Variants in KIRREL3 observed in about 807,000 individuals in gnomAD.
KIRREL3 encodes the protein kirre like nephrin family adhesion molecule 3.
A neutral mutation model predicts 89.7 loss-of-function variants in KIRREL3; 36 were observed. The ratio of observed to expected loss-of-function variants is 0.40; its 90% CI spans 0.31 to 0.53. The LOEUF is 0.53. KIRREL3 is among the 20% of genes least tolerant of loss of function. KIRREL3 has a pLI of 0.49. For missense variants in KIRREL3, 864 were observed against 1,056.6 expected (o/e 0.82, Z 2.53); for synonymous variants, 445 against 441.4 (o/e 1.01, Z -0.10).
chr11:126,982,206 A>C (rs1949741119), intron 1 of KIRREL3, among the ~76,000 whole-genome samples: 1 of 152,194 alleles, frequency 6.6e-6, no homozygotes, highest in Non-Finnish European at 1.5e-5. Flanking sequence ...TATTATCAAC[A>C]AAGATGTTAT....
At chr11:126,678,120 C>T (rs1014931228) in intron 1 of KIRREL3, among the ~76,000 whole-genome samples, 3 of 152,170 alleles carry the variant, frequency 2.0e-5, no homozygotes, top group African/African-American at 7.2e-5. Context: ...AGATAGATGG[C>T]AGCTTTCACT....
intron 10 of KIRREL3, chr11:126,440,795 G>T: frequency 1.7e-6 from 1 of 575,176 alleles, no homozygotes; most frequent in Non-Finnish European, 3.1e-6. Context: ...ACAAATAACT[G>T]TAATAAAAGG....
intron 8 of KIRREL3, among the ~76,000 whole-genome samples, 154 bp from the exon 9 acceptor site, chr11:126,447,040 G>T (rs980149399): frequency 6.6e-6 from 1 of 152,206 alleles, no homozygotes; most frequent in Non-Finnish European, 1.5e-5. Flanking sequence ...TAAGTCTTAT[G>T]TCCGGGCGGG....
At chr11:126,711,124 A>T (rs879906670) in intron 1 of KIRREL3, among the ~76,000 whole-genome samples, 5 of 152,232 alleles carry the variant, frequency 3.3e-5, no homozygotes, top group Non-Finnish European at 7.3e-5. Context: ...ACTGCAGGAG[A>T]ATCTAAAGTG....
rs1323240259 is a variant in KIRREL3 at position 126,462,737 on chromosome 11, T to G, written c.742+420A>C. Among the ~76,000 whole-genome samples, 1 of 152,178 alleles carries G rather than the reference T, an allele frequency of 6.6e-6. No homozygotes were observed. The highest frequency in any genetic ancestry group is 1.5e-5 in the Non-Finnish European group (1 of 68,030). On this transcript the variant is annotated intron_variant, in intron 6 of 16. Transcript: ENST00000525144. The surrounding 1 kb of genome is among the most constrained non-coding windows in gnomAD (Gnocchi z 4.8). ...TTCTTCTTGTCCCCTTGATCAACCC[T>G]TCCATGAGAGTGGCTGGTGCACCCT...
At chr11:126,845,630 T>TA (rs1413646750) in intron 1 of KIRREL3, among the ~76,000 whole-genome samples, 2 of 152,158 alleles carry the variant, frequency 1.3e-5, no homozygotes, top group Non-Finnish European at 2.9e-5. Flanking sequence ...CTTTCTCTTT[T>TA]CAGAATGGCA....
At chr11:126,856,742 A>G (rs1473817271) in intron 1 of KIRREL3, among the ~76,000 whole-genome samples, 1 of 151,692 alleles carries the variant, frequency 6.6e-6, no homozygotes, top group Non-Finnish European at 1.5e-5. Context: ...CAGCCTCCTG[A>G]GTAGCTGGGA....
intron 1 of KIRREL3, among the ~76,000 whole-genome samples, chr11:126,629,575 A>G (rs1943934019): frequency 6.6e-6 from 1 of 152,156 alleles, no homozygotes; most frequent in South Asian, 2.1e-4. Flanking sequence ...CTCCAGATCC[A>G]TGTCCACCCT....
intron 1 of KIRREL3, among the ~76,000 whole-genome samples, chr11:126,962,825 C>A (rs1591389487): frequency 2.0e-5 from 3 of 152,208 alleles, no homozygotes; most frequent in East Asian, 1.9e-4. Flanking sequence ...CAACCACCAC[C>A]CTGATCAGTC....
intron 1 of KIRREL3, among the ~76,000 whole-genome samples, chr11:126,787,193 G>A (rs1052669285): frequency 2.6e-5 from 4 of 152,098 alleles, no homozygotes; most frequent in African/African-American, 9.7e-5. Flanking sequence ...ATGAAATGAT[G>A]GAGCCAATCA....
Position 126,608,750 on chromosome 11 carries a change from T to C in KIRREL3, c.56-45838A>G, listed in dbSNP as rs1942997133. On this transcript the variant is annotated intron_variant, in intron 1 of 16. Transcript: ENST00000525144. This position sits in a 1 kb window ranked among gnomAD's most constrained non-coding sequence, Gnocchi z 4.9. Reference sequence around the variant, plus strand: ...AGGGGGCTGTCCAGAGGCAGAGCATTGGGCCTGCTGGCAAACTGCTAACTG... The same window carrying C: ...AGGGGGCTGTCCAGAGGCAGAGCATCGGGCCTGCTGGCAAACTGCTAACTG... 6.6e-6 allele frequency among the ~76,000 whole-genome samples: 1 copy of C among 152,202 alleles called. No individual in the cohort carries two copies. Among genetic ancestry groups the C allele is most frequent in the Non-Finnish European group, 1.5e-5 (1 of 68,024 alleles).
chr11:126,440,717 A>G, intron 10 of KIRREL3, 168 bp from the exon 11 acceptor site: 1 of 673,352 alleles, frequency 1.5e-6, no homozygotes, highest in Non-Finnish European at 2.7e-6. Flanking sequence ...GAGATAAATT[A>G]GGCATTCAGT....
Position 126,845,003 on chromosome 11 carries a change from A to G in KIRREL3, c.55+155452T>C, listed in dbSNP as rs551726550. Reference sequence around the variant, plus strand: ...ATGCTTTTTTCTCTTTCTCTTTTTGATCTTTTCTGTTACTCAGGGCAACCA... The same window carrying G: ...ATGCTTTTTTCTCTTTCTCTTTTTGGTCTTTTCTGTTACTCAGGGCAACCA... On this transcript the variant is annotated intron_variant, in intron 1 of 16. Coordinates refer to ENST00000525144, the MANE Select transcript of KIRREL3 (RefSeq NM_032531.4). Among the ~76,000 whole-genome samples the G allele has an allele frequency of 2.0e-5, 3 of 151,954 alleles. No individual in the cohort carries two copies. The East Asian group carries it at 5.8e-4, about 30-fold the overall frequency.
At chr11:126,499,613 C>T (rs188771048) in intron 4 of KIRREL3, among the ~76,000 whole-genome samples, 106 of 152,364 alleles carry the variant, frequency 7.0e-4, no homozygotes, top group Middle Eastern at 3.4e-3. Flanking sequence ...AAGCATTGCA[C>T]GCCAAACATC....
In KIRREL3 at chr11:126,772,722, C is replaced by A. The variant is rs542448104; in HGVS notation, c.56-209810G>T. On this transcript the variant is annotated intron_variant, in intron 1 of 16. Transcript: ENST00000525144. This position sits in a 1 kb window ranked among gnomAD's most constrained non-coding sequence, Gnocchi z 4.6. ...AAGCTCTGGAGAGGCCACAGGCCAG[C>A]AGGGAAGTCACTGCAGCCTCTGGGG... 7.2e-5 allele frequency among the ~76,000 whole-genome samples: 11 copies of A among 152,322 alleles called. No homozygotes were observed. Among genetic ancestry groups the A allele is most frequent in the African/African-American group, 2.2e-4 (9 of 41,580 alleles).
In KIRREL3 at chr11:126,508,809, T is replaced by C. The variant is rs1327334081; in HGVS notation, c.433+12506A>G. ...CGTAAAAGGGGACACGGGACCTGCC[T>C]GGCAGAGCTGGTCAGAGGGCAGATG... On this transcript the variant is annotated intron_variant, in intron 4 of 16. Transcript: ENST00000525144. The surrounding 1 kb of genome is among the most constrained non-coding windows in gnomAD (Gnocchi z 4.9). Among the ~76,000 whole-genome samples the C allele has an allele frequency of 2.6e-5, 4 of 152,190 alleles. No homozygotes were observed. The highest frequency in any genetic ancestry group is 9.7e-5 in the African/African-American group (4 of 41,446).
intron 1 of KIRREL3, among the ~76,000 whole-genome samples, chr11:126,793,624 G>A (rs1950713782): frequency 6.6e-6 from 1 of 152,216 alleles, no homozygotes; most frequent in Admixed American, 6.5e-5. Flanking sequence ...GAGAGCACAG[G>A]TCCTTCCTAA....
At chr11:126,956,185 C>A (rs1948917260) in intron 1 of KIRREL3, among the ~76,000 whole-genome samples, 1 of 152,210 alleles carries the variant, frequency 6.6e-6, no homozygotes, top group Non-Finnish European at 1.5e-5. Flanking sequence ...ACTTACTCAA[C>A]CAATGAGCAC....
At position 126,808,184 on chromosome 11, in the gene KIRREL3, G is replaced by C. The variant is rs1316244599; in HGVS notation, c.55+192271C>G. ...TTGGAGAATAGGGCCCTCATCTTGA[G>C]GCTGGGAGCATAAAGGAAAGAGGGA... On this transcript the variant is annotated intron_variant, in intron 1 of 16. Coordinates refer to ENST00000525144, the MANE Select transcript of KIRREL3 (RefSeq NM_032531.4). The surrounding 1 kb of genome is among the most constrained non-coding windows in gnomAD (Gnocchi z 4.1). 6.6e-6 allele frequency among the ~76,000 whole-genome samples: 1 copy of C among 152,162 alleles called. No individual in the cohort carries two copies. Among genetic ancestry groups the C allele is most frequent in the Non-Finnish European group, 1.5e-5 (1 of 68,026 alleles).
Sources: gnomAD v4.1 joint callset for allele counts (sites outside exome capture counted in the v4.1 genomes callset) on GRCh38, gnomAD v4.1.1 for gene constraint, Gnocchi (gnomAD v3.1) non-coding constraint, MANE v1.5 for transcripts, NCBI Gene and HGNC (gene_info 2026-07-23, HGNC 2026-07-21) for gene names.